The following FUT8 variants were observed in gnomAD, a reference collection of about 807,000 sequenced individuals.
FUT8 encodes the protein alpha-(1,6)-fucosyltransferase.
A neutral mutation model predicts 71.3 loss-of-function variants in FUT8; 29 were observed. The observed-to-expected ratio is 0.41, with a 90% CI of 0.30 to 0.55. The LOEUF (loss-of-function observed/expected upper bound fraction) is 0.55. FUT8 is among the 20% of genes least tolerant of loss of function. The probability of loss-of-function intolerance (pLI) is 0.34; values close to 1 mark genes in which losing one functional copy is unlikely to be tolerated. For missense variants in FUT8, 544 were observed against 702.1 expected, an observed-to-expected ratio of 0.77 and a Z score of 2.55; for synonymous variants, 254 against 239.3, an observed-to-expected ratio of 1.06 and a Z score of -0.57.
intron 3 of FUT8, among the ~76,000 whole-genome samples, chr14:65,566,087 C>T (rs1273416412): frequency 3.9e-5 from 6 of 151,902 alleles, no homozygotes; most frequent in Non-Finnish European, 8.8e-5. Context: ...TGGCTGCAGT[C>T]ATCTGGTGGC....
intron 6 of FUT8, among the ~76,000 whole-genome samples, chr14:65,665,208 G>T (rs1872852246): frequency 6.6e-6 from 1 of 152,126 alleles, no homozygotes; most frequent in Admixed American, 6.6e-5. Context: ...TGAAAAAGTA[G>T]ATTTGGTTGT....
intron 1 of FUT8, among the ~76,000 whole-genome samples, chr14:65,433,455 C>T (rs2065506968): frequency 6.6e-6 from 1 of 152,144 alleles, no homozygotes; most frequent in South Asian, 2.1e-4. Context: ...TTCTTTAATC[C>T]TTACTGCAGT....
chr14:65,375,550 T>C, the FUT8 span, among the ~76,000 whole-genome samples: 2 of 151,930 alleles, frequency 1.3e-5, no homozygotes, highest in Non-Finnish European at 2.9e-5. Flanking sequence ...GAGCCCAGAA[T>C]GTTGAGGCTG....
the FUT8 span, among the ~76,000 whole-genome samples, chr14:65,361,110 CA>C: frequency 6.6e-6 from 1 of 152,100 alleles, no homozygotes; most frequent in African/African-American, 2.4e-5. Flanking sequence ...GTAATCCCAG[CA>C]CTTTGGGAGG....
Position 65,412,773 on chromosome 14 carries a change from C to A in FUT8, c.-767C>A, listed in dbSNP as rs1276769551. On this transcript the variant is annotated 5_prime_UTR_variant, in exon 1 of 11. Transcript: ENST00000673929. The stretch of plus-strand genomic sequence containing the variant: ...GCGCTGGCCGAGGCTTCCCCGCCTG[C>A]GCTCGTTGTCAGAGCCGCTCCGGCG... 1 of 167,788 alleles carries A rather than the reference C, an allele frequency of 6.0e-6. No homozygotes were observed. Among genetic ancestry groups the A allele is most frequent in the Non-Finnish European group, 1.3e-5 (1 of 78,192 alleles). 10.4% of individuals were successfully genotyped at this position (167,788 alleles called of 1,614,324 possible). A position where few individuals can be genotyped will look rare whatever the true frequency, so the allele number is the denominator to read the frequency against.
intron 9 of FUT8, among the ~76,000 whole-genome samples, chr14:65,731,688 T>C (rs1200861128): frequency 2.6e-5 from 4 of 151,954 alleles, no homozygotes; most frequent in African/African-American, 7.3e-5. Context: ...AATGGTAGGG[T>C]TTCACTGTGT....
At chr14:65,727,762 C>A in intron 9 of FUT8, among the ~76,000 whole-genome samples, 1 of 152,158 alleles carries the variant, frequency 6.6e-6, no homozygotes, top group East Asian at 1.9e-4. Flanking sequence ...ATGGGATTTT[C>A]TTTTCTGTCA....
At chr14:65,408,011 G>A (rs557329587), upstream of FUT8, among the ~76,000 whole-genome samples, 48 of 152,222 alleles carry the variant, frequency 3.2e-4, no homozygotes, top group Non-Finnish European at 6.2e-4. Context: ...GTTTTCAAGT[G>A]TATCAATTAG....
At chr14:65,580,070 T>TATATATATA in intron 3 of FUT8, among the ~76,000 whole-genome samples, 1 of 142,846 alleles carries the variant, frequency 7.0e-6, no homozygotes, top group East Asian at 2.0e-4. Context: ...GTGCTATATT[T>TATATATATA]TATATATATA....
In FUT8 at chr14:65,635,314, C is replaced by T. The variant is rs182214422; in HGVS notation, c.597+5708C>T. On this transcript the variant is annotated intron_variant, in intron 6 of 10. Coordinates refer to ENST00000673929, the MANE Select transcript of FUT8 (RefSeq NM_001371533.1). Reference sequence around the variant, plus strand: ...AGTGACGGTTTGACTTCCTCTTTACCGATTTGGATGCCCTTTCTTTCTCTT... The same window carrying T: ...AGTGACGGTTTGACTTCCTCTTTACTGATTTGGATGCCCTTTCTTTCTCTT... 4.4e-3 allele frequency among the ~76,000 whole-genome samples: 674 copies of T among 152,124 alleles called. 3 individuals carry two copies. The highest frequency in any genetic ancestry group is 0.014 in the African/African-American group (564 of 41,500).
chr14:65,720,077 G>C (rs1367593273), intron 7 of FUT8, among the ~76,000 whole-genome samples: 1 of 152,178 alleles, frequency 6.6e-6, no homozygotes, highest in African/African-American at 2.4e-5. Flanking sequence ...GCCCCAGGCA[G>C]GTCCAGAGAT....
intron 7 of FUT8, among the ~76,000 whole-genome samples, chr14:65,718,862 A>G (rs1355981028): frequency 2.0e-5 from 3 of 151,544 alleles, no homozygotes; most frequent in Non-Finnish European, 4.4e-5. Context: ...TATGTTATTT[A>G]TTTTTTCTTT....
chr14:65,723,314 G>T (rs75612110), intron 8 of FUT8, among the ~76,000 whole-genome samples: 60 of 140,290 alleles, frequency 4.3e-4, no homozygotes, highest in African/African-American at 1.5e-3. Flanking sequence ...AACAGAGCAA[G>T]ACCTTGTCTT....
the FUT8 span, among the ~76,000 whole-genome samples, chr14:65,379,838 A>G: frequency 1.3e-5 from 2 of 152,218 alleles, no homozygotes; most frequent in Non-Finnish European, 1.5e-5. Flanking sequence ...GGTGAGGGCC[A>G]TCTTGCTGGG....
At chr14:65,697,216 G>A (rs976222671) in intron 7 of FUT8, among the ~76,000 whole-genome samples, 3 of 152,190 alleles carry the variant, frequency 2.0e-5, no homozygotes, top group Admixed American at 6.5e-5. Flanking sequence ...TGTGCTTACT[G>A]TAGCCATAGC....
At chr14:65,619,017 T>C (rs1199641257) in intron 5 of FUT8, among the ~76,000 whole-genome samples, 2 of 152,018 alleles carry the variant, frequency 1.3e-5, no homozygotes, top group East Asian at 3.9e-4. Flanking sequence ...GCATGTGAAG[T>C]GGGGTGTAGT....
chr14:65,600,489 T>TA (rs1309307608), intron 3 of FUT8, among the ~76,000 whole-genome samples: 2 of 152,182 alleles, frequency 1.3e-5, no homozygotes, highest in African/African-American at 2.4e-5. Flanking sequence ...AATAAGCGCT[T>TA]ACATTAAATA....
At chr14:65,608,326 A>G (rs1470242647) in intron 3 of FUT8, among the ~76,000 whole-genome samples, 2 of 151,678 alleles carry the variant, frequency 1.3e-5, no homozygotes, top group Admixed American at 1.3e-4. Context: ...TAAGATCTTT[A>G]TTCTTTCCAA....
intron 6 of FUT8, among the ~76,000 whole-genome samples, chr14:65,637,774 GC>G (rs1329494969): frequency 1.3e-5 from 2 of 152,010 alleles, no homozygotes; most frequent in Admixed American, 6.6e-5. Flanking sequence ...AAACAGAGGG[GC>G]CCTGAAAGCA....
Sources: gnomAD v4.1 joint callset for allele counts (sites outside exome capture counted in the v4.1 genomes callset) on GRCh38, gnomAD v4.1.1 for gene constraint, MANE v1.5 for transcripts, NCBI Gene and HGNC (gene_info 2026-07-23, HGNC 2026-07-21) for gene names.